The following COBLL1 variants were observed in gnomAD, a reference collection of about 807,000 sequenced individuals.
COBLL1 encodes the protein cordon-bleu protein-like 1.
A neutral mutation model predicts 94.8 loss-of-function variants in COBLL1; 50 were observed. That is an observed-to-expected ratio of 0.53 (90% CI 0.42 to 0.67). The LOEUF is 0.67. Among genes scored for constraint, COBLL1 ranks in the 30% least tolerant of loss-of-function variants. The probability of loss-of-function intolerance (pLI) is 0.00; values close to 1 mark genes in which losing one functional copy is unlikely to be tolerated. For missense variants in COBLL1, 1,362 were observed against 1,348.7 expected, an observed-to-expected ratio of 1.01 and a Z score of -0.15; for synonymous variants, 448 against 473.8, an observed-to-expected ratio of 0.95 and a Z score of 0.71.
intron 2 of COBLL1, among the ~76,000 whole-genome samples, chr2:164,809,518 A>G (rs963432595): frequency 1.3e-5 from 2 of 152,028 alleles, no homozygotes; most frequent in Non-Finnish European, 2.9e-5. Flanking sequence ...GCTCAAAATT[A>G]CAGAATTGGT....
chr2:164,808,638 A>G (rs187163191), intron 2 of COBLL1, among the ~76,000 whole-genome samples: 8 of 152,300 alleles, frequency 5.3e-5, no homozygotes, highest in Non-Finnish European at 8.8e-5. Context: ...AGCTAGTCTG[A>G]CATTATTTCC....
chr2:164,841,855 C>A (rs949102767), upstream of COBLL1: 15 of 832,044 alleles, frequency 1.8e-5, no homozygotes, highest in Non-Finnish European at 2.4e-5. The surrounding 1 kb of genome is among the most constrained non-coding windows in gnomAD (Gnocchi z 5.5). Context: ...AGGCTCAGCC[C>A]AGCGCGGGCA....
chr2:164,692,348 G>C lies in COBLL1; in HGVS notation c.3173C>G (p.Thr1058Ser). Residue 1058 changes from threonine (T) to serine (S), a missense_variant, in exon 13 of 14, where the codon ACT (threonine) becomes AGT (serine). Physicochemically the swap from Thr to Ser is moderately conservative, Grantham distance 58. Transcript: ENST00000652658. ...NEQNSQIPTP[T>S]DGPSFTVMRQ... ...CATAACAGTGAATGATGGGCCATCA[G>C]TTGGAGTTGGTATTTGGGAATTCTG... 6.2e-7 allele frequency: 1 copy of C among 1,613,262 alleles called. No homozygotes were observed. The highest frequency in any genetic ancestry group is 8.5e-7 in the Non-Finnish European group (1 of 1,179,464).
intron 10 of COBLL1, among the ~76,000 whole-genome samples, chr2:164,699,712 C>A (rs1273105200): frequency 6.6e-6 from 1 of 152,000 alleles, no homozygotes; most frequent in African/African-American, 2.4e-5. Flanking sequence ...CATTAGCTTT[C>A]ATGTGGTGGT....
Position 164,704,528 on chromosome 2 carries a change from A to C in COBLL1, c.1151-10T>G, listed in dbSNP as rs1684484448. On this transcript the variant is annotated splice_polypyrimidine_tract_variant and intron_variant, in intron 8 of 13. Transcript: ENST00000652658. The stretch of plus-strand genomic sequence containing the variant: ...TCTACTGGCTGTAAGGCTAAAGGAA[A>C]GAAGCAACACAACTTATAAAGTCAT... 2.5e-6 allele frequency: 4 copies of C among 1,600,944 alleles called. No homozygotes were observed. Among genetic ancestry groups the C allele is most frequent in the African/African-American group, 2.7e-5 (2 of 74,642 alleles).
intron 7 of COBLL1, among the ~76,000 whole-genome samples, chr2:164,717,909 A>T (rs1685255100): frequency 6.6e-6 from 1 of 152,228 alleles, no homozygotes; most frequent in African/African-American, 2.4e-5. Flanking sequence ...TATATGCATT[A>T]TGCAATGTAC....
Position 164,722,177 on chromosome 2 carries a change from G to A in COBLL1, c.894C>T (p.Pro298=), listed in dbSNP as rs1198016198. 1 of 1,614,094 alleles carries A rather than the reference G, an allele frequency of 6.2e-7. No individual in the cohort carries two copies. The highest frequency in any genetic ancestry group is 1.1e-5 in the South Asian group (1 of 91,080). ...GGACACTCTGAGATGCTGGCATCGG[G>A]GGCAGTGGAGCCCGCCTCTTCTTGG... is the stretch of plus-strand genomic sequence containing the variant. ...DAPKKRRAPL[P]PMPASQSVPQ... The change falls in exon 7 of 14, where the codon CCC becomes CCT. Residue 298 remains proline (P), a synonymous_variant. Transcript: ENST00000652658.
At position 164,703,097 on chromosome 2, in the gene COBLL1, C is replaced by A. The variant is rs77826678; in HGVS notation, c.1225+1347G>T. The A allele has an allele frequency of 1.9e-3, 2,928 of 1,570,374 alleles. 41 individuals are homozygous for A. The African/African-American group carries it at 0.036, about 19-fold the overall frequency. Reference sequence around the variant, plus strand: ...AAGCACCAGCCAGGAAAGGCCTGACCACCTACATGTCAATGATGTTATGGC... The same window carrying A: ...AAGCACCAGCCAGGAAAGGCCTGACAACCTACATGTCAATGATGTTATGGC... On this transcript the variant is annotated intron_variant, in intron 9 of 13. Coordinates refer to ENST00000652658, the MANE Select transcript of COBLL1 (RefSeq NM_001365672.2).
chr2:164,728,053 A>T lies in COBLL1; in HGVS notation c.577T>A (p.Tyr193Asn). 6.2e-7 allele frequency: 1 copy of T among 1,613,838 alleles called. No homozygotes were observed. Among genetic ancestry groups the T allele is most frequent in the Non-Finnish European group, 8.5e-7 (1 of 1,179,744 alleles). ...DPLHTLLLKD[Y>N]QSQEPLDLTK... ...AAGTCAAGAGGCTCCTGCGATTGAT[A>T]ATCTTTCAACAATAGTGTATGCAAC... is the stretch of plus-strand genomic sequence containing the variant. The change falls in exon 5 of 14, where the codon TAT becomes AAT. Residue 193 changes from tyrosine (Y) to asparagine (N), a missense_variant. Coordinates refer to ENST00000652658, the MANE Select transcript of COBLL1 (RefSeq NM_001365672.2).
intron 2 of COBLL1, among the ~76,000 whole-genome samples, chr2:164,767,735 TG>T (rs1688004625): frequency 6.6e-6 from 1 of 152,224 alleles, no homozygotes; most frequent in Admixed American, 6.5e-5. Context: ...CATAATTTTT[TG>T]GTTAGGGTAG....
chr2:164,817,359 A>AT (rs1403185691), intron 2 of COBLL1, among the ~76,000 whole-genome samples: 13 of 117,322 alleles, frequency 1.1e-4, no homozygotes, highest in Non-Finnish European at 1.7e-4. Flanking sequence ...AATGGTATAT[A>AT]TTAAAAAAAA....
At chr2:164,748,978 A>T (rs1053101461) in intron 2 of COBLL1, among the ~76,000 whole-genome samples, 1 of 152,188 alleles carries the variant, frequency 6.6e-6, no homozygotes, top group African/African-American at 2.4e-5. Context: ...ACCGAATTCA[A>T]TTAGTGTCCT....
At chr2:164,711,596 C>T (rs917611606) in intron 7 of COBLL1, among the ~76,000 whole-genome samples, 4 of 152,068 alleles carry the variant, frequency 2.6e-5, no homozygotes, top group African/African-American at 7.2e-5. Context: ...TTTAACACTA[C>T]TTTGTTGAAT....
intron 5 of COBLL1, chr2:164,727,277 T>A: frequency 2.2e-6 from 1 of 451,428 alleles, no homozygotes. Flanking sequence ...AATTTTGAAG[T>A]CTCTATGCAA....
chr2:164,687,578 G>C (rs989925979), intron 13 of COBLL1: 2 of 1,191,106 alleles, frequency 1.7e-6, no homozygotes, highest in Non-Finnish European at 2.5e-6. Flanking sequence ...AAGGCACCTC[G>C]CATGCCTGTT....
At chr2:164,704,889 T>A (rs956930937) in intron 8 of COBLL1, 63 bp downstream of exon 8, 99 of 1,433,684 alleles carry the variant, frequency 6.9e-5, no homozygotes, top group Non-Finnish European at 9.2e-5. Flanking sequence ...CCCATATCTT[T>A]CCTACTGTCC....
At chr2:164,741,544 G>T (rs974542290) in intron 3 of COBLL1, among the ~76,000 whole-genome samples, 1 of 150,950 alleles carries the variant, frequency 6.6e-6, no homozygotes, top group South Asian at 2.1e-4. Context: ...AAAAAAAAGA[G>T]AGAAAGCCAA....
intron 2 of COBLL1, among the ~76,000 whole-genome samples, chr2:164,788,875 T>G (rs1025496434): frequency 2.7e-5 from 4 of 150,548 alleles, no homozygotes; most frequent in Non-Finnish European, 5.9e-5. Flanking sequence ...AATAAAAAGT[T>G]CAAGAGATGT....
chr2:164,808,700 T>C (rs754475796), intron 2 of COBLL1, among the ~76,000 whole-genome samples: 1 of 152,186 alleles, frequency 6.6e-6, no homozygotes, highest in Non-Finnish European at 1.5e-5. Flanking sequence ...TAAGTTTAAC[T>C]AGATTTTTTA....
Sources: gnomAD v4.1 joint callset for allele counts (sites outside exome capture counted in the v4.1 genomes callset) on GRCh38, gnomAD v4.1.1 for gene constraint, Gnocchi (gnomAD v3.1) non-coding constraint, MANE v1.5 for transcripts, NCBI Gene and HGNC (gene_info 2026-07-23, HGNC 2026-07-21) for gene names.